The following LAMA3 variants were observed in gnomAD, a reference collection of about 807,000 sequenced individuals.
LAMA3 encodes laminin subunit alpha 3, also known as laminin subunit alpha-3.
A neutral mutation model predicts 402.0 loss-of-function variants in LAMA3; 281 were observed. The observed-to-expected ratio is 0.70, with a 90% CI of 0.63 to 0.77. LAMA3 has a LOEUF of 0.77. LAMA3 is among the 30% of genes least tolerant of loss of function. LAMA3 has a pLI of 0.00. For synonymous variants in LAMA3, 1,431 were observed against 1,558.4 expected (o/e 0.92, Z 1.93); for missense variants, 3,840 against 4,215.5 (o/e 0.91, Z 2.47).
chr18:23,761,600 TTTCACAGTG>T (rs1204508647), intron 7 of LAMA3, among the ~76,000 whole-genome samples: 6 of 152,226 alleles, frequency 3.9e-5, no homozygotes, highest in Non-Finnish European at 8.8e-5. Context: ...GTAAAGCACT[TTTCACAGTG>T]TGTTAAGAGC....
At chr18:23,942,705 G>C (rs1313046070) in intron 68 of LAMA3, among the ~76,000 whole-genome samples, 1 of 151,540 alleles carries the variant, frequency 6.6e-6, no homozygotes, top group African/African-American at 2.4e-5. Context: ...AGCCTCCCAA[G>C]TTAGTTGGGA....
In LAMA3 at chr18:23,769,342, A is replaced by G. The variant is rs188751821; in HGVS notation, c.1183-4155A>G. On this transcript the variant is annotated intron_variant, in intron 8 of 74. Transcript: ENST00000313654. ...AATAAAAGAATATTTTGTAAATAAT[A>G]CTTCAATATAGCTGGAAAAAATTAG... 4.6e-3 allele frequency among the ~76,000 whole-genome samples: 702 copies of G among 152,358 alleles called. 3 individuals are homozygous for G. The highest frequency in any genetic ancestry group is 0.041 in the Middle Eastern group (12 of 294).
At chr18:23,855,429 G>A (rs1365577485) in intron 32 of LAMA3, among the ~76,000 whole-genome samples, 9 of 152,112 alleles carry the variant, frequency 5.9e-5, no homozygotes, top group African/African-American at 1.4e-4. Flanking sequence ...TCTTCTTTCC[G>A]GTCTCTAGAC....
chr18:23,803,824 A>C (rs1045814842), intron 12 of LAMA3, among the ~76,000 whole-genome samples: 1 of 152,196 alleles, frequency 6.6e-6, no homozygotes, highest in Non-Finnish European at 1.5e-5. Flanking sequence ...GGTCTAAAAC[A>C]GGCCTAAGTT....
At chr18:23,773,921 T>C (rs972561203) in intron 9 of LAMA3, among the ~76,000 whole-genome samples, 10 of 152,218 alleles carry the variant, frequency 6.6e-5, no homozygotes, top group Admixed American at 5.2e-4. Flanking sequence ...CTATGATCTC[T>C]AATAATTTCA....
intron 68 of LAMA3, among the ~76,000 whole-genome samples, chr18:23,940,555 C>G (rs2082466480): frequency 6.6e-6 from 1 of 152,158 alleles, no homozygotes; most frequent in African/African-American, 2.4e-5. Flanking sequence ...CCTCAATTTT[C>G]CTGTTAGTTA....
At chr18:23,909,439 T>C in intron 55 of LAMA3, 144 bp downstream of exon 55, 1 of 792,142 alleles carries the variant, frequency 1.3e-6, no homozygotes, top group Non-Finnish European at 2.1e-6. Context: ...ATATAAAGAT[T>C]GATTTTCTCC....
In LAMA3 at chr18:23,771,834, G is replaced by A. The variant is rs755613763; in HGVS notation, c.1183-1663G>A. On this transcript the variant is annotated intron_variant, in intron 8 of 74. Coordinates refer to ENST00000313654, the MANE Select transcript of LAMA3 (RefSeq NM_198129.4). ...TGGGAATTTTTCAAGATAAAATGTT[G>A]AAAGAAAAGAGTAATGAAAGAAGAA... Among the ~76,000 whole-genome samples, 20 of 152,282 alleles carry A rather than the reference G, an allele frequency of 1.3e-4. No homozygotes were observed. The South Asian group carries it at 2.9e-3, about 22-fold the overall frequency.
chr18:23,710,228 C>T, intron 1 of LAMA3: 1 of 624,228 alleles, frequency 1.6e-6, no homozygotes, highest in South Asian at 1.6e-5. Context: ...CCTTCAAAAC[C>T]TTCGTTTTGG....
chr18:23,895,160 G>A, intron 44 of LAMA3, 102 bp downstream of exon 44: 2 of 1,335,092 alleles, frequency 1.5e-6, no homozygotes, highest in Non-Finnish European at 1.0e-6. Flanking sequence ...GAAAGGCTCA[G>A]GGGTTGTCCT....
intron 27 of LAMA3, among the ~76,000 whole-genome samples, chr18:23,840,613 G>A (rs909548167): frequency 6.6e-6 from 1 of 151,798 alleles, no homozygotes; most frequent in African/African-American, 2.4e-5. Flanking sequence ...TCTCGAACCA[G>A]TAAACTTTTT....
At chr18:23,905,751 A>G (rs1568326261) in intron 52 of LAMA3, 127 bp downstream of exon 52, 1 of 502,844 alleles carries the variant, frequency 2.0e-6, no homozygotes, top group African/African-American at 2.0e-5. Flanking sequence ...GATACCCTTT[A>G]TTTATTTTAT....
intron 71 of LAMA3, 41 bp from the exon 72 acceptor site, chr18:23,949,988 A>T (rs548960831): frequency 3.1e-6 from 5 of 1,614,036 alleles, no homozygotes; most frequent in Non-Finnish European, 4.2e-6. Context: ...GTTTTCTTTC[A>T]TGGTGATGCT....
rs766832448 is a variant in LAMA3 at position 23,912,792 on chromosome 18, A to G, written c.7240A>G (p.Thr2414Ala). 2 of 1,613,842 alleles carry G rather than the reference A, an allele frequency of 1.2e-6. No homozygotes were observed. The highest frequency in any genetic ancestry group is 2.2e-5 in the East Asian group (1 of 44,894). ...PNDLEDLKGY[T>A]SLSLFLQRPN... Reference sequence around the variant, plus strand: ...TGACCTGGAAGATTTGAAAGGATATACATCTCTGTCCTTGTTTCTCCAAAG... The same window carrying G: ...TGACCTGGAAGATTTGAAAGGATATGCATCTCTGTCCTTGTTTCTCCAAAG... Residue 2414 changes from threonine to alanine, a missense_variant, in exon 56 of 75, where the codon ACA becomes GCA. Physicochemically the swap from Thr to Ala is moderately conservative, Grantham distance 58. Around this residue, in one of 3 missense-constraint regions of LAMA3, gnomAD observed 891 missense variants for 857.5 expected, o/e 1.04. Coordinates refer to ENST00000313654, the MANE Select transcript of LAMA3 (RefSeq NM_198129.4).
chr18:23,855,320 G>A lies in LAMA3; in HGVS notation c.4137-2524G>A, dbSNP rs530821195. Among the ~76,000 whole-genome samples, 116 of 152,360 alleles carry A rather than the reference G, an allele frequency of 7.6e-4. 2 individuals are homozygous for A. The highest frequency in any genetic ancestry group is 4.3e-3 in the South Asian group (21 of 4,832). On this transcript the variant is annotated intron_variant, in intron 32 of 74. Coordinates refer to ENST00000313654, the MANE Select transcript of LAMA3 (RefSeq NM_198129.4). ...TTCACTGCCAGGAAAAGAGAAGCAA[G>A]GTTCACCCAGCCTACGTCGGGCCAT...
intron 32 of LAMA3, among the ~76,000 whole-genome samples, chr18:23,857,428 A>ACT (rs1298455159): frequency 2.6e-5 from 4 of 151,922 alleles, no homozygotes; most frequent in East Asian, 3.9e-4. Context: ...CTACCCTATG[A>ACT]CTCTGCCCTT....
chr18:23,760,861 G>A (rs1438164598), intron 7 of LAMA3, among the ~76,000 whole-genome samples: 1 of 152,070 alleles, frequency 6.6e-6, no homozygotes, highest in Non-Finnish European at 1.5e-5. Context: ...GTTCATAGAT[G>A]CCACTTTCTT....
At chr18:23,745,442 T>C (rs1312026327) in intron 2 of LAMA3, among the ~76,000 whole-genome samples, 1 of 152,192 alleles carries the variant, frequency 6.6e-6, no homozygotes, top group Non-Finnish European at 1.5e-5. Flanking sequence ...CTGGGCTCTC[T>C]AGAATAGAAT....
intron 33 of LAMA3, 84 bp from the exon 34 acceptor site, chr18:23,858,605 G>T: frequency 8.3e-7 from 1 of 1,198,274 alleles, no homozygotes; most frequent in Non-Finnish European, 1.2e-6. Context: ...ATCTTGTGTT[G>T]GTATTTAATT....
Sources: allele counts gnomAD v4.1 joint callset (sites outside exome capture counted in the v4.1 genomes callset), GRCh38; gene constraint gnomAD v4.1.1; regional missense constraint gnomAD v4.1.1; transcripts MANE v1.5; gene names NCBI Gene and HGNC (gene_info 2026-07-23, HGNC 2026-07-21).